NTM: variants seen among roughly 807,000 people sequenced by gnomAD.
NTM encodes the protein IgLON family member 2.
A neutral mutation model predicts 42.1 loss-of-function variants in NTM; 13 were observed. The observed-to-expected ratio is 0.31, with a 90% CI of 0.20 to 0.49. The LOEUF is 0.49. Ranked by LOEUF, NTM falls within the 20% of genes least tolerant of loss-of-function variation. NTM has a pLI of 0.99. For missense variants in NTM, 373 were observed against 452.8 expected, an observed-to-expected ratio of 0.82 and a Z score of 1.60; for synonymous variants, 187 against 179.2, an observed-to-expected ratio of 1.04 and a Z score of -0.35.
intron 1 of NTM, chr11:131,773,900 T>C (rs1210173870): frequency 6.2e-6 from 3 of 484,208 alleles, no homozygotes; most frequent in Non-Finnish European, 8.1e-6. Flanking sequence ...TTGTGCATCA[T>C]TCTGTCAGCT....
intron 1 of NTM, among the ~76,000 whole-genome samples, chr11:131,826,193 C>A (rs897204147): frequency 6.6e-6 from 1 of 152,036 alleles, no homozygotes; most frequent in African/African-American, 2.4e-5. Context: ...GGGGCATGAT[C>A]ACAATTTAGA....
intron 2 of NTM, among the ~76,000 whole-genome samples, chr11:132,028,761 A>G (rs1408062397): frequency 6.6e-6 from 1 of 152,124 alleles, no homozygotes; most frequent in African/African-American, 2.4e-5. Context: ...TATAATTTCT[A>G]TTGAGGGCAG....
chr11:131,531,430 G>T (rs1320211239), intron 1 of NTM, among the ~76,000 whole-genome samples: 1 of 152,212 alleles, frequency 6.6e-6, no homozygotes, highest in Non-Finnish European at 1.5e-5. Context: ...TTACAGGCAT[G>T]AACTGCTGTG....
chr11:131,464,359 TGG>T (rs143677319), intron 1 of NTM, among the ~76,000 whole-genome samples: 29 of 146,258 alleles, frequency 2.0e-4, no homozygotes, highest in African/African-American at 6.5e-4. Flanking sequence ...CAGGGAAAGC[TGG>T]GGGGGGGGCA....
At chr11:132,256,812 G>A (rs767307301) in intron 4 of NTM, among the ~76,000 whole-genome samples, 3 of 152,184 alleles carry the variant, frequency 2.0e-5, no homozygotes, top group Non-Finnish European at 4.4e-5. Flanking sequence ...GATTCCAGCC[G>A]CAGGAGAGTG....
intron 3 of NTM, among the ~76,000 whole-genome samples, chr11:132,187,214 C>T (rs984280711): frequency 2.0e-5 from 3 of 148,350 alleles, no homozygotes; most frequent in Admixed American, 2.0e-4. Context: ...GCTCAGATGG[C>T]GTGTGTGTGT....
At chr11:131,934,176 A>G (rs999078541) in intron 2 of NTM, among the ~76,000 whole-genome samples, 1 of 152,238 alleles carries the variant, frequency 6.6e-6, no homozygotes, top group African/African-American at 2.4e-5. Context: ...AACTCCATAC[A>G]TAAATGAAGG....
At chr11:132,306,112 T>C (rs1203744286) in intron 4 of NTM, among the ~76,000 whole-genome samples, 1 of 151,898 alleles carries the variant, frequency 6.6e-6, no homozygotes, top group Non-Finnish European at 1.5e-5. Flanking sequence ...GGCCAAAGAG[T>C]GCTGATCGAA....
intron 1 of NTM, among the ~76,000 whole-genome samples, chr11:131,776,292 T>C (rs2086959183): frequency 6.6e-6 from 1 of 152,196 alleles, no homozygotes; most frequent in Non-Finnish European, 1.5e-5. Flanking sequence ...ATACTTTAAT[T>C]CTGTTTCTTT....
chr11:132,146,178 G>C lies in NTM; in HGVS notation c.168-104G>C. On this transcript the variant is annotated intron_variant, in intron 2 of 8. Coordinates refer to ENST00000683400, the MANE Select transcript of NTM (RefSeq NM_001352005.2). The surrounding 1 kb of genome is among the most constrained non-coding windows in gnomAD (Gnocchi z 4.5). ...ATCAAAGGAAATGTATGTGTTGGGG[G>C]AAGGGAGAAAGACAAGATATTCTAG... 6.7e-7 allele frequency: 1 copy of C among 1,489,314 alleles called. No homozygotes were observed. 92.3% of individuals were successfully genotyped at this position (1,489,314 alleles called of 1,614,324 possible). A position where few individuals can be genotyped will look rare whatever the true frequency, so the allele number is the denominator to read the frequency against.
At chr11:131,873,575 A>G (rs185322916) in intron 1 of NTM, among the ~76,000 whole-genome samples, 4,448 of 54,258 alleles carry the variant, frequency 0.082, 409 homozygotes, top group East Asian at 0.36. Context: ...ATATATATAC[A>G]TATATATATA....
intron 1 of NTM, among the ~76,000 whole-genome samples, chr11:131,384,133 G>A (rs181171926): frequency 2.6e-5 from 4 of 152,224 alleles, no homozygotes; most frequent in African/African-American, 9.6e-5. Context: ...TCCAATATGA[G>A]GTTAGCTAGA....
chr11:132,218,129 C>T (rs998684383), intron 4 of NTM, among the ~76,000 whole-genome samples: 3 of 152,050 alleles, frequency 2.0e-5, no homozygotes, highest in Admixed American at 6.6e-5. Context: ...CATCCGGGGC[C>T]CCGTGTGGCG....
chr11:131,525,265 G>A (rs764450577), intron 1 of NTM, among the ~76,000 whole-genome samples: 9 of 152,196 alleles, frequency 5.9e-5, no homozygotes, highest in Non-Finnish European at 1.2e-4. Flanking sequence ...GAAGTGGGAC[G>A]TGGGTGCTGA....
intron 1 of NTM, among the ~76,000 whole-genome samples, chr11:131,807,745 G>A (rs1183964256): frequency 6.6e-6 from 1 of 152,044 alleles, no homozygotes; most frequent in African/African-American, 2.4e-5. Context: ...TTTGGCACCT[G>A]TTAGGCATTA....
chr11:132,206,015 T>C (rs2081943076), intron 3 of NTM, among the ~76,000 whole-genome samples: 1 of 152,104 alleles, frequency 6.6e-6, no homozygotes, highest in African/African-American at 2.4e-5. Flanking sequence ...ATCTCCCTGG[T>C]TGTCCTCCTA....
intron 1 of NTM, among the ~76,000 whole-genome samples, chr11:131,392,190 G>A (rs530501502): frequency 2.6e-5 from 4 of 152,190 alleles, no homozygotes; most frequent in Non-Finnish European, 5.9e-5. Flanking sequence ...GTTTCAATAC[G>A]CATTGACTCT....
intron 1 of NTM, among the ~76,000 whole-genome samples, chr11:131,505,078 C>T (rs1237280955): frequency 6.6e-6 from 1 of 150,420 alleles, no homozygotes; most frequent in African/African-American, 2.5e-5. Context: ...TGAAACCTAC[C>T]TTCTACTTGA....
intron 1 of NTM, among the ~76,000 whole-genome samples, chr11:131,501,260 T>C (rs2046791628): frequency 6.6e-6 from 1 of 151,980 alleles, no homozygotes; most frequent in Non-Finnish European, 1.5e-5. Flanking sequence ...TTGTGAAGAA[T>C]GTAAAGGCAG....
Sources: allele counts gnomAD v4.1 joint callset (sites outside exome capture counted in the v4.1 genomes callset), GRCh38; gene constraint gnomAD v4.1.1; non-coding constraint Gnocchi (gnomAD v3.1); transcripts MANE v1.5; gene names NCBI Gene and HGNC (gene_info 2026-07-23, HGNC 2026-07-21).